Variants in WDR27 observed in about 807,000 individuals in gnomAD.
WDR27 encodes WD repeat-containing protein 27.
WDR27 carries 100 observed loss-of-function variants against 114.4 expected under a neutral mutation model. The ratio of observed to expected loss-of-function variants is 0.87; its 90% CI spans 0.74 to 1.03. WDR27 has a LOEUF of 1.03. Ranked by LOEUF, WDR27 falls within the 50% of genes least tolerant of loss-of-function variation. WDR27 has a pLI of 0.00. For synonymous variants in WDR27, 449 were observed against 423.1 expected (o/e 1.06, Z -0.75); for missense variants, 1,129 against 1,092.9 (o/e 1.03, Z -0.47).
At chr6:169,450,217 C>T in the WDR27 span, among the ~76,000 whole-genome samples, 1 of 152,168 alleles carries the variant, frequency 6.6e-6, no homozygotes, top group African/African-American at 2.4e-5. Flanking sequence ...CAGCTGCCAG[C>T]GGGGAGCTTT....
At chr6:169,459,540 TATACATTTATATATGTATATAA>T (rs959271650) in intron 25 of WDR27, among the ~76,000 whole-genome samples, 17 of 151,702 alleles carry the variant, frequency 1.1e-4, no homozygotes, top group African/African-American at 4.1e-4. Flanking sequence ...AATGTATATA[TATACATTTATATATGTATATAA>T]ATGTATACAT....
chr6:169,576,177 T>C (rs1474695126), intron 24 of WDR27, among the ~76,000 whole-genome samples: 1 of 152,238 alleles, frequency 6.6e-6, no homozygotes, highest in Non-Finnish European at 1.5e-5. Flanking sequence ...TGTTTGGAAA[T>C]ATTCCTTCTC....
intron 25 of WDR27, among the ~76,000 whole-genome samples, chr6:169,526,887 C>A (rs1795028303): frequency 6.6e-6 from 1 of 151,964 alleles, no homozygotes; most frequent in African/African-American, 2.4e-5. Flanking sequence ...TGCAGATAGC[C>A]AAGAAACACA....
At chr6:169,508,100 T>G (rs1479527612) in intron 25 of WDR27, among the ~76,000 whole-genome samples, 1 of 152,222 alleles carries the variant, frequency 6.6e-6, no homozygotes, top group Non-Finnish European at 1.5e-5. Context: ...TTGTGTTTCA[T>G]ATGCTGTGCA....
At chr6:169,432,066 G>A in the WDR27 span, among the ~76,000 whole-genome samples, 1 of 152,076 alleles carries the variant, frequency 6.6e-6, no homozygotes, top group Admixed American at 6.5e-5. Context: ...AGCTATTCTG[G>A]CATATTGACT....
At chr6:169,431,893 T>C in the WDR27 span, among the ~76,000 whole-genome samples, 1 of 152,224 alleles carries the variant, frequency 6.6e-6, no homozygotes, top group Non-Finnish European at 1.5e-5. Context: ...ACTGGTATCT[T>C]AAGGTTCCAA....
At chr6:169,447,638 C>T in the WDR27 span, among the ~76,000 whole-genome samples, 1 of 152,192 alleles carries the variant, frequency 6.6e-6, no homozygotes, top group East Asian at 1.9e-4. Flanking sequence ...GCCATCACAC[C>T]TCCTCTGACT....
rs78150933 is a variant in WDR27 at position 169,501,539 on chromosome 6, A to C, written c.2646-43905T>G. On this transcript the variant is annotated intron_variant, in intron 25 of 25. Transcript: ENST00000448612. ...AAAGATATTTAACAAAAATGAATCT[A>C]TCTAGCCCGCAGGAAAAGATGCAGT... Among the ~76,000 whole-genome samples, 47 of 152,378 alleles carry C rather than the reference A, an allele frequency of 3.1e-4. No homozygotes were observed. The East Asian group carries it at 8.9e-3, about 29-fold the overall frequency.
chr6:169,573,164 G>A (rs937125664), intron 24 of WDR27, among the ~76,000 whole-genome samples: 1 of 152,096 alleles, frequency 6.6e-6, no homozygotes, highest in Non-Finnish European at 1.5e-5. Flanking sequence ...GTCTTTCACT[G>A]AAACTCTCCG....
rs76253485 is a variant in WDR27, at chr6:169,505,767, T to C, written c.2646-48133A>G. ...ATGCCATGCCAGTGTCTCACAAATT[T>C]TGTGTGATCACAGTCATCTGGAAGG... is the stretch of plus-strand genomic sequence containing the variant. On this transcript the variant is annotated intron_variant, in intron 25 of 25. Coordinates refer to ENST00000448612, the MANE Select transcript of WDR27 (RefSeq NM_182552.5). Among the ~76,000 whole-genome samples the C allele has an allele frequency of 2.5e-3, 383 of 152,346 alleles. 3 individuals carry two copies. Among genetic ancestry groups the C allele is most frequent in the African/African-American group, 8.2e-3 (342 of 41,578 alleles).
chr6:169,484,447 T>C (rs1001675761), intron 25 of WDR27, among the ~76,000 whole-genome samples: 2 of 151,956 alleles, frequency 1.3e-5, no homozygotes, highest in African/African-American at 4.8e-5. Context: ...ATAAAATACC[T>C]AGAAATACAA....
chr6:169,633,935 A>G (rs574382469), intron 20 of WDR27, among the ~76,000 whole-genome samples: 19 of 152,324 alleles, frequency 1.2e-4, no homozygotes, highest in Admixed American at 2.6e-4. Context: ...GAGTAAATTA[A>G]AACTTTATAC....
At chr6:169,624,471 C>T (rs915123326) in intron 21 of WDR27, among the ~76,000 whole-genome samples, 14 of 152,260 alleles carry the variant, frequency 9.2e-5, no homozygotes, top group African/African-American at 3.1e-4. Context: ...CTCGTGTCCA[C>T]TCGGAACTGC....
At chr6:169,484,402 T>C (rs1414833418) in intron 25 of WDR27, among the ~76,000 whole-genome samples, 1 of 152,170 alleles carries the variant, frequency 6.6e-6, no homozygotes, top group East Asian at 1.9e-4. Context: ...AGCCAAATCA[T>C]GAGTGAACTC....
chr6:169,563,120 G>A (rs953061292), intron 25 of WDR27, among the ~76,000 whole-genome samples: 4 of 152,108 alleles, frequency 2.6e-5, no homozygotes, highest in South Asian at 4.2e-4. Context: ...AGCTGACAGC[G>A]GACCCCAGAG....
At chr6:169,605,483 G>A (rs1263501364) in intron 22 of WDR27, among the ~76,000 whole-genome samples, 12 of 151,306 alleles carry the variant, frequency 7.9e-5, no homozygotes, top group Non-Finnish European at 1.8e-4. Flanking sequence ...ATAGGAAAAC[G>A]TCCTATGCTC....
intron 25 of WDR27, among the ~76,000 whole-genome samples, chr6:169,556,320 A>G (rs1182251014): frequency 6.6e-6 from 1 of 152,188 alleles, no homozygotes; most frequent in African/African-American, 2.4e-5. Context: ...AAGCCTCAGA[A>G]GGTAACCAAG....
the WDR27 span, among the ~76,000 whole-genome samples, chr6:169,447,833 A>G: frequency 2.8e-3 from 433 of 152,340 alleles, no homozygotes; most frequent in Non-Finnish European, 5.5e-3. Context: ...ACTAATGTCT[A>G]TATACAGAAT....
the WDR27 span, among the ~76,000 whole-genome samples, chr6:169,432,831 G>C: frequency 2.6e-5 from 4 of 152,178 alleles, no homozygotes; most frequent in African/African-American, 9.7e-5. Flanking sequence ...GCAGAGGTTG[G>C]AACAGTTTGG....
Sources: gnomAD v4.1 joint callset for allele counts (sites outside exome capture counted in the v4.1 genomes callset) on GRCh38, gnomAD v4.1.1 for gene constraint, MANE v1.5 for transcripts, NCBI Gene and HGNC (gene_info 2026-07-23, HGNC 2026-07-21) for gene names.